Variants in SOAT2 observed in about 807,000 individuals in gnomAD.
SOAT2 encodes sterol O-acyltransferase 2, also known as ACAT-2.
In SOAT2, 87 loss-of-function variants were observed where a neutral mutation model predicts 76.0. The ratio of observed to expected loss-of-function variants is 1.14; its 90% CI spans 0.96 to 1.37. The LOEUF (loss-of-function observed/expected upper bound fraction) is 1.37. Ranked by LOEUF, SOAT2 falls within the 40% of genes most tolerant of loss-of-function variation. The pLI, the probability that SOAT2 is intolerant of heterozygous loss-of-function variation, is 0.00. For missense variants in SOAT2, 686 were observed against 682.1 expected, an observed-to-expected ratio of 1.01 and a Z score of -0.06; for synonymous variants, 285 against 275.4, an observed-to-expected ratio of 1.03 and a Z score of -0.34.
intron 5 of SOAT2, among the ~76,000 whole-genome samples, chr12:53,108,451 A>C (rs1592275613): frequency 9.8e-6 from 1 of 102,158 alleles, no homozygotes; most frequent in African/African-American, 5.7e-5. Context: ...GCAAATAACT[A>C]ATATTGCAAA....
intron 7 of SOAT2, among the ~76,000 whole-genome samples, chr12:53,117,495 A>C (rs1938124151): frequency 6.6e-6 from 1 of 152,084 alleles, no homozygotes; most frequent in Non-Finnish European, 1.5e-5. Context: ...GAGTAGTCAG[A>C]ACACACACAG....
chr12:53,124,030 A>C (rs770591384), intron 14 of SOAT2, 43 bp from the exon 15 acceptor site: 1 of 1,612,566 alleles, frequency 6.2e-7, no homozygotes, highest in African/African-American at 1.3e-5. Flanking sequence ...GGGTTGAGTC[A>C]CCAGGAATGA....
At chr12:53,123,281 A>T in intron 13 of SOAT2, 65 bp downstream of exon 13, 1 of 1,597,860 alleles carries the variant, frequency 6.3e-7, no homozygotes, top group Non-Finnish European at 8.6e-7. Context: ...CTGCTCCTGC[A>T]GATCCCAGAC....
At position 53,115,399 on chromosome 12, in the gene SOAT2, G is replaced by C; in HGVS notation, c.453G>C (p.Leu151=). 6.2e-7 allele frequency: 1 copy of C among 1,604,788 alleles called. No individual in the cohort carries two copies. The highest frequency in any genetic ancestry group is 8.5e-7 in the Non-Finnish European group (1 of 1,175,090). Residue 151 remains leucine (L), a synonymous_variant, in exon 6 of 15, where the codon CTG becomes CTC. Coordinates refer to ENST00000301466, the MANE Select transcript of SOAT2 (RefSeq NM_003578.4). ...IDFIDEGRLL[L]EFDLLIFSFG... ...CCTTCCCCACTCCAAGGCTGCTGCT[G>C]GAGTTTGACCTACTGATCTTCAGCT...
chr12:53,113,718 A>G (rs1273175175), intron 5 of SOAT2, among the ~76,000 whole-genome samples: 1 of 152,206 alleles, frequency 6.6e-6, no homozygotes, highest in Non-Finnish European at 1.5e-5. Context: ...TATACCTTCT[A>G]AGCTCTATGT....
intron 10 of SOAT2, 140 bp from the exon 11 acceptor site, chr12:53,120,646 A>C: frequency 1.6e-6 from 1 of 616,482 alleles, no homozygotes; most frequent in Non-Finnish European, 2.9e-6. Context: ...GGAATGCATA[A>C]ATTTGTGAAT....
chr12:53,107,009 G>A (rs998457866), intron 5 of SOAT2, among the ~76,000 whole-genome samples: 12 of 152,210 alleles, frequency 7.9e-5, no homozygotes, highest in Admixed American at 5.2e-4. Context: ...CTCTTGGTGG[G>A]CTTTTGTTAC....
At chr12:53,103,767 GTC>G (rs1438089082) in intron 1 of SOAT2, 108 bp downstream of exon 1, 9 of 960,728 alleles carry the variant, frequency 9.4e-6, no homozygotes, top group Non-Finnish European at 1.4e-5. Flanking sequence ...CCTTCCTGCT[GTC>G]CAGAGAGGCC....
At chr12:53,104,008 G>T in intron 1 of SOAT2, 143 bp from the exon 2 acceptor site, 1 of 790,336 alleles carries the variant, frequency 1.3e-6, no homozygotes, top group Non-Finnish European at 2.3e-6. Flanking sequence ...CCTTCTAGTA[G>T]CCCCAACCAT....
Position 53,105,989 on chromosome 12 carries a change from GC to G in SOAT2, c.420del (p.Ile141SerfsTer16), listed in dbSNP as rs1565625587. 6.2e-7 allele frequency: 1 copy of G among 1,613,926 alleles called. No homozygotes were observed. The highest frequency in any genetic ancestry group is 1.1e-5 in the South Asian group (1 of 91,082). On this transcript the variant is annotated frameshift_variant, in exon 5 of 15. Coordinates refer to ENST00000301466, the MANE Select transcript of SOAT2 (RefSeq NM_003578.4). LOFTEE classifies it high-confidence loss of function. The stretch of plus-strand genomic sequence containing the variant: ...GTGTGTCTTCATCATCAGCACCCTG[GC>G]CATCGACTTCATTGATGAGGGCAGG... ...GLCVFIISTL[A>X]IDFIDEGRLL...
chr12:53,116,220 G>A, intron 7 of SOAT2, 54 bp downstream of exon 7: 1 of 1,482,474 alleles, frequency 6.7e-7, no homozygotes, highest in Non-Finnish European at 9.4e-7. Flanking sequence ...CTGACTGAAT[G>A]AAGCCAGCAG....
intron 14 of SOAT2, 21 bp downstream of exon 14, chr12:53,123,894 T>A (rs201993252): frequency 1.2e-6 from 2 of 1,613,780 alleles, no homozygotes; most frequent in East Asian, 4.5e-5. Context: ...ACAACCCTCA[T>A]CCAGCTCCCC....
Position 53,105,929 on chromosome 12 carries a change from T to A in SOAT2, c.358T>A (p.Phe120Ile). The change falls in exon 5 of 15, where the codon TTC becomes ATC. Residue 120 changes from phenylalanine to isoleucine, a missense_variant. Transcript: ENST00000301466. ...LLDELMEVQH[F>I]RTIYHMFIAG... is the part of the protein sequence containing the mutation. ...TAGTGAGCTGATGGAGGTGCAGCAT[T>A]TCCGCACCATCTACCACATGTTCAT... 6.2e-7 allele frequency: 1 copy of A among 1,614,086 alleles called. No homozygotes were observed. Among genetic ancestry groups the A allele is most frequent in the Non-Finnish European group, 8.5e-7 (1 of 1,179,958 alleles).
intron 5 of SOAT2, among the ~76,000 whole-genome samples, chr12:53,106,556 C>T (rs1186808046): frequency 1.3e-5 from 2 of 152,224 alleles, no homozygotes; most frequent in African/African-American, 4.8e-5. Flanking sequence ...TATTTTCATA[C>T]CTCCCACTAT....
At chr12:53,105,312 G>A (rs1592274651) in intron 3 of SOAT2, 69 bp downstream of exon 3, 6 of 1,537,412 alleles carry the variant, frequency 3.9e-6, no homozygotes, top group East Asian at 2.4e-5. Context: ...ATCACGTTAT[G>A]TGCCCTTGCC....
At position 53,121,385 on chromosome 12, in the gene SOAT2, A is replaced by G. The variant is rs1436359391; in HGVS notation, c.1220A>G (p.Tyr407Cys). ...VVHDWLYSYV[Y>C]QDGLRLLGAR... ...CATGACTGGCTGTACAGCTACGTGT[A>G]TCAGGATGGGCTGCGGGTATGGGCC... Residue 407 changes from tyrosine (Y) to cysteine (C), a missense_variant, in exon 12 of 15, where the codon TAT becomes TGT. Coordinates refer to ENST00000301466, the MANE Select transcript of SOAT2 (RefSeq NM_003578.4). 4.3e-6 allele frequency: 7 copies of G among 1,614,104 alleles called. No homozygotes were observed. Among genetic ancestry groups the G allele is most frequent in the Non-Finnish European group, 5.1e-6 (6 of 1,179,968 alleles).
chr12:53,104,570 A>G (rs548085247), intron 2 of SOAT2, among the ~76,000 whole-genome samples: 93 of 152,188 alleles, frequency 6.1e-4, no homozygotes, highest in Middle Eastern at 6.8e-3. Context: ...CACGGTGCCC[A>G]GCCTGATGAC....
chr12:53,111,112 A>ATTTTTTTC (rs1938004454), intron 5 of SOAT2, among the ~76,000 whole-genome samples: 1 of 143,280 alleles, frequency 7.0e-6, no homozygotes, highest in African/African-American at 2.6e-5. Flanking sequence ...ATTTGCCTAC[A>ATTTTTTTC]TTTTTTTTTT....
chr12:53,114,660 G>A (rs758586004), intron 5 of SOAT2, among the ~76,000 whole-genome samples: 32 of 152,186 alleles, frequency 2.1e-4, no homozygotes, highest in Non-Finnish European at 4.3e-4. Context: ...GGCGGAGGTT[G>A]CAGTGAGCAG....
Sources: allele counts gnomAD v4.1 joint callset (sites outside exome capture counted in the v4.1 genomes callset), GRCh38; gene constraint gnomAD v4.1.1; transcripts MANE v1.5; gene names NCBI Gene and HGNC (gene_info 2026-07-23, HGNC 2026-07-21).